The following SPIRE1 variants were observed in gnomAD, a reference collection of about 807,000 sequenced individuals.
The protein encoded by SPIRE1 is protein spire homolog 1.
A neutral mutation model predicts 94.1 loss-of-function variants in SPIRE1; 40 were observed. That is an observed-to-expected ratio of 0.43 (90% confidence interval 0.33 to 0.55). SPIRE1 has a LOEUF of 0.55. Among genes scored for constraint, SPIRE1 ranks in the 20% least tolerant of loss-of-function variants. The pLI is 0.06. For missense variants in SPIRE1, 838 were observed against 975.2 expected (o/e 0.86, Z 1.87); for synonymous variants, 376 against 371.7 (o/e 1.01, Z -0.13).
At chr18:12,645,857 A>G (rs910486954) in intron 1 of SPIRE1, among the ~76,000 whole-genome samples, 1 of 152,166 alleles carries the variant, frequency 6.6e-6, no homozygotes, top group African/African-American at 2.4e-5. Flanking sequence ...GATCCCAGCC[A>G]ACGTGCCTTT....
chr18:12,628,274 C>G (rs922472494), intron 2 of SPIRE1, among the ~76,000 whole-genome samples: 3 of 152,122 alleles, frequency 2.0e-5, no homozygotes, highest in African/African-American at 7.2e-5. Context: ...TATGGCTAGC[C>G]AGTTTTCCCA....
intron 6 of SPIRE1, among the ~76,000 whole-genome samples, chr18:12,497,975 T>C: frequency 6.6e-6 from 1 of 152,194 alleles, no homozygotes; most frequent in East Asian, 1.9e-4. Flanking sequence ...CAATTACAGA[T>C]GTGGGACAAT....
intron 4 of SPIRE1, 76 bp from the exon 5 acceptor site, chr18:12,512,607 A>T: frequency 1.1e-6 from 1 of 893,664 alleles, no homozygotes; most frequent in South Asian, 1.4e-5. Flanking sequence ...ACATATCTTC[A>T]GATAAGACAT....
At chr18:12,466,019 G>A (rs887399428) in intron 10 of SPIRE1, among the ~76,000 whole-genome samples, 14 of 151,646 alleles carry the variant, frequency 9.2e-5, no homozygotes, top group African/African-American at 2.2e-4. Flanking sequence ...GGGAGGCAGC[G>A]GTTGTAGTGA....
chr18:12,450,660 A>C (rs1444851086), intron 16 of SPIRE1: 1 of 622,264 alleles, frequency 1.6e-6, no homozygotes, highest in Non-Finnish European at 2.9e-6. Flanking sequence ...GTACACTACC[A>C]CTGGGAAATG....
intron 6 of SPIRE1, among the ~76,000 whole-genome samples, chr18:12,501,046 G>A (rs1484991337): frequency 1.4e-5 from 2 of 139,522 alleles, no homozygotes; most frequent in South Asian, 4.7e-4. Context: ...CACTCCATCC[G>A]GGGCAACAAC....
At chr18:12,645,657 C>T (rs2038203924) in intron 1 of SPIRE1, among the ~76,000 whole-genome samples, 2 of 152,180 alleles carry the variant, frequency 1.3e-5, no homozygotes, top group African/African-American at 4.8e-5. Context: ...ATATAAAATG[C>T]CTACTGGTGT....
intron 6 of SPIRE1, among the ~76,000 whole-genome samples, chr18:12,505,554 A>G (rs1247331562): frequency 6.8e-6 from 1 of 148,108 alleles, no homozygotes; most frequent in African/African-American, 2.5e-5. Flanking sequence ...CCCTGTCTCA[A>G]AAAAAAAAAA....
At chr18:12,462,628 A>G (rs936501491) in intron 12 of SPIRE1, among the ~76,000 whole-genome samples, 3 of 152,198 alleles carry the variant, frequency 2.0e-5, no homozygotes, top group African/African-American at 7.2e-5. Flanking sequence ...GGCCCCAAAT[A>G]TCACAAAACA....
At position 12,480,376 on chromosome 18, in the gene SPIRE1, ATAT is replaced by A. The variant is rs568477706; in HGVS notation, c.1232-508_1232-506del. Among the ~76,000 whole-genome samples the A allele has an allele frequency of 1.1e-3, 171 of 152,324 alleles. 1 individual carries two copies. Among genetic ancestry groups the A allele is most frequent in the East Asian group, 6.2e-3 (32 of 5,186 alleles). ...ACATTTCCTCTGATGAGTCTGATTT[ATAT>A]TATTAAGAGCTCAAATTTGGATGAG... On this transcript the variant is annotated intron_variant, in intron 9 of 16. Coordinates refer to ENST00000409402, the MANE Select transcript of SPIRE1 (RefSeq NM_001128626.2).
At chr18:12,599,246 C>G (rs2036765017) in intron 2 of SPIRE1, among the ~76,000 whole-genome samples, 1 of 152,118 alleles carries the variant, frequency 6.6e-6, no homozygotes, top group Non-Finnish European at 1.5e-5. Context: ...CATTTGTTGT[C>G]TTATCTCTTT....
At chr18:12,637,741 T>C (rs1037040272) in intron 1 of SPIRE1, among the ~76,000 whole-genome samples, 16 of 152,190 alleles carry the variant, frequency 1.1e-4, no homozygotes, top group Non-Finnish European at 1.9e-4. Context: ...CCTTGGGAAA[T>C]TGGCTGATTT....
intron 8 of SPIRE1, 56 bp from the exon 9 acceptor site, chr18:12,486,056 C>G (rs2143811260): frequency 1.5e-6 from 2 of 1,346,810 alleles, no homozygotes; most frequent in Non-Finnish European, 2.0e-6. Flanking sequence ...TAGGAATATA[C>G]AGAGAGGACA....
At chr18:12,475,704 G>A (rs2032541002) in intron 10 of SPIRE1, among the ~76,000 whole-genome samples, 1 of 152,176 alleles carries the variant, frequency 6.6e-6, no homozygotes, top group South Asian at 2.1e-4. Flanking sequence ...GTCAATCTTG[G>A]TTTAGGAATA....
intron 2 of SPIRE1, among the ~76,000 whole-genome samples, chr18:12,587,825 G>T (rs988111504): frequency 6.6e-6 from 1 of 152,096 alleles, no homozygotes; most frequent in African/African-American, 2.4e-5. Context: ...AACTCTGAAG[G>T]CTTTCTTAAG....
intron 12 of SPIRE1, among the ~76,000 whole-genome samples, chr18:12,455,796 G>A (rs117407306): frequency 7.9e-5 from 12 of 152,238 alleles, no homozygotes; most frequent in Admixed American, 3.3e-4. Context: ...CAACAGCATC[G>A]CTCACAGGCA....
At chr18:12,575,903 A>AT (rs1051868992) in intron 2 of SPIRE1, among the ~76,000 whole-genome samples, 6 of 152,202 alleles carry the variant, frequency 3.9e-5, no homozygotes, top group African/African-American at 1.4e-4. Flanking sequence ...TGACAAACTG[A>AT]TTTTAAAATG....
intron 4 of SPIRE1, among the ~76,000 whole-genome samples, chr18:12,515,197 T>C (rs886627111): frequency 1.3e-5 from 2 of 152,164 alleles, no homozygotes; most frequent in Admixed American, 6.6e-5. Flanking sequence ...CTCATCTTTA[T>C]AAGCCCATAC....
intron 2 of SPIRE1, among the ~76,000 whole-genome samples, chr18:12,601,187 G>A (rs973143804): frequency 4.7e-4 from 72 of 151,762 alleles, no homozygotes; most frequent in African/African-American, 1.5e-3. Context: ...CTGGGAGGCC[G>A]CGGCAGGCAG....
Sources: gnomAD v4.1 joint callset for allele counts (sites outside exome capture counted in the v4.1 genomes callset) on GRCh38, gnomAD v4.1.1 for gene constraint, MANE v1.5 for transcripts, NCBI Gene and HGNC (gene_info 2026-07-23, HGNC 2026-07-21) for gene names.